C5: variants seen among roughly 807,000 people sequenced by gnomAD.
C5 encodes C3 and PZP-like alpha-2-macroglobulin domain-containing protein 4.
A neutral mutation model predicts 218.8 loss-of-function variants in C5; 140 were observed. The ratio of observed to expected loss-of-function variants is 0.64; its 90% confidence interval spans 0.56 to 0.74. C5 has a LOEUF of 0.74. C5 is among the 30% of genes least tolerant of loss of function. The pLI is 0.00. For missense variants in C5, 1,700 were observed against 1,969.6 expected (o/e 0.86, Z 2.59); for synonymous variants, 614 against 682.3 (o/e 0.90, Z 1.56).
rs1393358144 is a variant in C5 at position 121,030,470 on chromosome 9, C to A, written c.685G>T (p.Val229Phe). 6 of 1,547,338 alleles carry A rather than the reference C, an allele frequency of 3.9e-6. No homozygotes were observed. The highest frequency in any genetic ancestry group is 5.3e-6 in the Non-Finnish European group (6 of 1,142,342). Residue 229 changes from valine (V) to phenylalanine (F), a missense_variant, in exon 7 of 41, where the codon GTC becomes TTC. Physicochemically the swap from Val to Phe is conservative, Grantham distance 50. Coordinates refer to ENST00000223642, the MANE Select transcript of C5 (RefSeq NM_001735.3). Reference sequence around the variant, plus strand: ...AAATTATATTCTGGCTCGATTGAGACAGAAAAATGTGGCAAGACTGAAAAT... The same window carrying A: ...AAATTATATTCTGGCTCGATTGAGAAAGAAAAATGTGGCAAGACTGAAAAT... ...VKEYVLPHFSVSIEPEYNFIG... is the reference protein window; with the variant it reads ...VKEYVLPHFSFSIEPEYNFIG...
rs757744082 is a variant in C5, at chr9:121,017,511, C to A, written c.1717G>T (p.Val573Phe). The change falls in exon 14 of 41, where the codon GTT becomes TTT. Residue 573 changes from valine (V) to phenylalanine (F), a missense_variant and splice_region_variant. Coordinates refer to ENST00000223642, the MANE Select transcript of C5 (RefSeq NM_001735.3). ...GCATCTGCATCAGGAGACAGATGAA[C>A]CTAAAAGTTCATTTGAAAAAGAAAA... ...IEEKCGNQLQ[V>F]HLSPDADAYS... 12 of 1,613,394 alleles carry A rather than the reference C, an allele frequency of 7.4e-6. No homozygotes were observed. The highest frequency in any genetic ancestry group is 2.2e-5 in the East Asian group (1 of 44,892).
chr9:120,985,716 A>G (rs529902137), intron 25 of C5, among the ~76,000 whole-genome samples: 1 of 152,342 alleles, frequency 6.6e-6, no homozygotes, highest in Admixed American at 6.5e-5. Flanking sequence ...TAGGTATAGT[A>G]TGATACTAGT....
intron 25 of C5, among the ~76,000 whole-genome samples, chr9:120,986,654 C>G (rs1026331233): frequency 6.6e-6 from 1 of 152,186 alleles, no homozygotes; most frequent in African/African-American, 2.4e-5. Context: ...CATCTATTTC[C>G]CAGGTCCTGC....
At chr9:121,005,859 A>G in intron 20 of C5, 60 bp downstream of exon 20, 1 of 1,552,446 alleles carries the variant, frequency 6.4e-7, no homozygotes, top group Non-Finnish European at 8.9e-7. Context: ...TTCCACTAAT[A>G]GAATTCTCAG....
chr9:121,054,886 CAA>C (rs1252824417), upstream of C5, among the ~76,000 whole-genome samples: 1 of 151,882 alleles, frequency 6.6e-6, no homozygotes, highest in Non-Finnish European at 1.5e-5. Flanking sequence ...CAAAGGTCTG[CAA>C]AGAGACAGAC....
At chr9:120,957,697 C>T (rs1223876944) in intron 38 of C5, among the ~76,000 whole-genome samples, 1 of 152,236 alleles carries the variant, frequency 6.6e-6, no homozygotes. Context: ...TGAGTGGAGT[C>T]ATGCCCATGG....
rs373359894 is a variant in C5 at position 120,997,684 on chromosome 9, G to T, written c.2653C>A (p.Arg885Ser). Residue 885 changes from arginine to serine, a missense_variant, in exon 21 of 41, where the codon CGC (arginine) becomes AGC (serine). Physicochemically the swap from Arg to Ser is moderately radical, Grantham distance 110 (BLOSUM62 -1). Coordinates refer to ENST00000223642, the MANE Select transcript of C5 (RefSeq NM_001735.3). Reference sequence around the variant, plus strand: ...CTGGAGGAGCCCTCTACTTTCTGGCGCACACATTTGGAGGACTTTGTGCCC... The same window carrying T: ...CTGGAGGAGCCCTCTACTTTCTGGCTCACACATTTGGAGGACTTTGTGCCC... The part of the protein sequence containing the change: ...HQGTKSSKCV[R>S]QKVEGSSSHL... 1.7e-5 allele frequency: 28 copies of T among 1,614,130 alleles called. No individual in the cohort carries two copies. Among genetic ancestry groups the T allele is most frequent in the Non-Finnish European group, 2.4e-5 (28 of 1,180,016 alleles).
intron 40 of C5, 87 bp downstream of exon 40, chr9:120,953,643 G>T: frequency 3.1e-6 from 4 of 1,282,686 alleles, no homozygotes; most frequent in Non-Finnish European, 4.5e-6. Flanking sequence ...TAAGAGCAGG[G>T]CCATAAGAAA....
Position 121,034,806 on chromosome 9 carries a change from G to A in C5, c.581C>T (p.Pro194Leu). 1 of 1,521,082 alleles carries A rather than the reference G, an allele frequency of 6.6e-7. No individual in the cohort carries two copies. Among genetic ancestry groups the A allele is most frequent in the Non-Finnish European group, 9.1e-7 (1 of 1,096,736 alleles). 94.2% of individuals were successfully genotyped at this position (1,521,082 alleles called of 1,614,324 possible). ...SFPDFKIPSNPRYGMWTIKAK... is the reference protein window; with the variant it reads ...SFPDFKIPSNLRYGMWTIKAK... ...ATTAACAACTATTTTTACATACCTAGGATTAGACGGAATCTTGAAGTCAGG... is the reference window on the plus strand; with the variant it reads ...ATTAACAACTATTTTTACATACCTAAGATTAGACGGAATCTTGAAGTCAGG... Residue 194 changes from proline to leucine, a missense_variant, in exon 5 of 41, where the codon CCT becomes CTT. Coordinates refer to ENST00000223642, the MANE Select transcript of C5 (RefSeq NM_001735.3).
Position 121,017,350 on chromosome 9 carries a change from G to T in C5, c.1866+12C>A, listed in dbSNP as rs113503759. 3.2e-5 allele frequency: 51 copies of T among 1,613,368 alleles called. No homozygotes were observed. Among genetic ancestry groups the T allele is most frequent in the African/African-American group, 2.3e-4 (17 of 75,010 alleles). On this transcript the variant is annotated intron_variant, in intron 14 of 40. Coordinates refer to ENST00000223642, the MANE Select transcript of C5 (RefSeq NM_001735.3). ...TTCATGCAACACTGCAGCGAGACAT[G>T]CATTACTTAACTCTTTCCAAGGGCT...
the C5 span, among the ~76,000 whole-genome samples, chr9:121,072,911 T>C: frequency 8.5e-5 from 13 of 152,154 alleles, no homozygotes; most frequent in African/African-American, 3.1e-4. Context: ...AAGGGCTTCG[T>C]TCTGTGTCGT....
At chr9:120,956,664 A>C (rs557533850) in intron 39 of C5, among the ~76,000 whole-genome samples, 1 of 152,346 alleles carries the variant, frequency 6.6e-6, no homozygotes, top group African/African-American at 2.4e-5. Flanking sequence ...ACTATATTAC[A>C]AGGCTACAGT....
chr9:121,025,623 C>T (rs766410466), intron 8 of C5, 43 bp from the exon 9 acceptor site: 26 of 1,587,852 alleles, frequency 1.6e-5, no homozygotes, highest in Non-Finnish European at 2.2e-5. Context: ...CGGAGAAGAA[C>T]TTATAAGGAA....
At chr9:120,980,667 T>C (rs2046985890) in intron 27 of C5, among the ~76,000 whole-genome samples, 2 of 152,128 alleles carry the variant, frequency 1.3e-5, no homozygotes, top group South Asian at 4.1e-4. Context: ...CTCGGCTCAC[T>C]GCAAGCTCCG....
intron 20 of C5, among the ~76,000 whole-genome samples, chr9:121,000,220 A>C (rs576608823): frequency 6.6e-6 from 1 of 152,358 alleles, no homozygotes; most frequent in African/African-American, 2.4e-5. Flanking sequence ...TCAATATGGC[A>C]AGTCAATTTC....
chr9:121,053,654 TC>T (rs2047683936), upstream of C5, among the ~76,000 whole-genome samples: 1 of 152,064 alleles, frequency 6.6e-6, no homozygotes, highest in Non-Finnish European at 1.5e-5. Flanking sequence ...GGGGAAGATC[TC>T]CCTGTATTGC....
chr9:120,976,858 CTT>C lies in C5; in HGVS notation c.3704_3705del (p.Lys1235ArgfsTer6), dbSNP rs769767983. The C allele has an allele frequency of 6.2e-7, 1 of 1,614,144 alleles. No homozygotes were observed. Among genetic ancestry groups the C allele is most frequent in the South Asian group, 1.1e-5 (1 of 91,084 alleles). On this transcript the variant is annotated frameshift_variant, in exon 29 of 41. Transcript: ENST00000223642. LOFTEE classifies it high-confidence loss of function. The stretch of plus-strand genomic sequence containing the variant: ...GTACCAGTGTTAGGTACAGAGCTGT[CTT>C]TATGCTGAAGATTGTCTTTCCAAAA... ...YRFWKDNLQH[K>X]DSSVPNTGTA...
chr9:120,962,483 T>C (rs2131669233), intron 36 of C5, among the ~76,000 whole-genome samples, 188 bp downstream of exon 36: 1 of 152,340 alleles, frequency 6.6e-6, no homozygotes, highest in East Asian at 1.9e-4. Context: ...GTCTGCTCAA[T>C]GTCAAGAAGT....
the C5 span, among the ~76,000 whole-genome samples, chr9:121,072,439 A>G: frequency 6.6e-6 from 1 of 152,190 alleles, no homozygotes; most frequent in African/African-American, 2.4e-5. Context: ...GTCAAAACAT[A>G]TGCAAATAGA....
Sources: gnomAD v4.1 joint callset for allele counts (sites outside exome capture counted in the v4.1 genomes callset) on GRCh38, gnomAD v4.1.1 for gene constraint, MANE v1.5 for transcripts, NCBI Gene and HGNC (gene_info 2026-07-23, HGNC 2026-07-21) for gene names.